The following BAG3 variants were observed in gnomAD, a reference collection of about 807,000 sequenced individuals.
BAG3 encodes BAG family molecular chaperone regulator 3.
BAG3 carries 14 observed loss-of-function variants against 40.5 expected under a neutral mutation model. The observed-to-expected ratio is 0.35, with a 90% CI of 0.23 to 0.54. BAG3 has a LOEUF of 0.54. Ranked by LOEUF, BAG3 falls within the 20% of genes least tolerant of loss-of-function variation. The pLI is 0.91. For synonymous variants in BAG3, 302 were observed against 307.8 expected, an observed-to-expected ratio of 0.98 and a Z score of 0.20; for missense variants, 788 against 758.6, an observed-to-expected ratio of 1.04 and a Z score of -0.46.
chr10:119,674,453 C>G lies in BAG3; in HGVS notation c.909+1797C>G, dbSNP rs562426341. 9.1e-4 allele frequency among the ~76,000 whole-genome samples: 139 copies of G among 152,288 alleles called. 1 individual carries two copies. The highest frequency in any genetic ancestry group is 3.3e-3 in the African/African-American group (139 of 41,572). On this transcript the variant is annotated intron_variant, in intron 3 of 3. Transcript: ENST00000369085. The stretch of plus-strand genomic sequence containing the variant: ...GAAATGATATTTCATCCTGTTCTTA[C>G]CATTAACCGTGTTTGTGGTGACCTC...
intron 3 of BAG3, among the ~76,000 whole-genome samples, chr10:119,675,900 C>A (rs1369503329): frequency 4.4e-5 from 1 of 22,752 alleles, no homozygotes; most frequent in Non-Finnish European, 9.8e-5. Flanking sequence ...TTCCTTCCTT[C>A]CCCCCTTCCT....
intron 1 of BAG3, 30 bp downstream of exon 1, chr10:119,651,885 G>A: frequency 8.7e-6 from 13 of 1,495,994 alleles, no homozygotes; most frequent in Non-Finnish European, 1.2e-5. Flanking sequence ...CGCCCTGGTC[G>A]GTGGCGCCAC....
chr10:119,670,703 TA>T (rs2134063984), intron 2 of BAG3, among the ~76,000 whole-genome samples: 1 of 152,224 alleles, frequency 6.6e-6, no homozygotes, highest in East Asian at 1.9e-4. Flanking sequence ...TCAAAAGAAA[TA>T]AGGAGTCAGG....
intron 1 of BAG3, among the ~76,000 whole-genome samples, chr10:119,668,164 A>C (rs886775796): frequency 6.6e-6 from 1 of 152,222 alleles, no homozygotes; most frequent in Non-Finnish European, 1.5e-5. Context: ...AGTGACACCC[A>C]TGCCTTTCCT....
Position 119,677,012 on chromosome 10 carries a change from G to A in BAG3, c.1458G>A (p.Lys486=), listed in dbSNP as rs1241465677. The A allele has an allele frequency of 6.2e-7, 1 of 1,614,056 alleles. No individual in the cohort carries two copies. The highest frequency in any genetic ancestry group is 1.3e-5 in the African/African-American group (1 of 74,910). The change falls in exon 4 of 4, where the codon AAG becomes AAA. Residue 486 remains lysine, a synonymous_variant. Transcript: ENST00000369085. ...AGGCCAGGAGAGACGGTGTCAGGAAGGTTCAGACCATCTTGGAAAAACTTG... is the reference window on the plus strand; with the variant it reads ...AGGCCAGGAGAGACGGTGTCAGGAAAGTTCAGACCATCTTGGAAAAACTTG... ...VRQARRDGVR[K]VQTILEKLEQ...
Position 119,651,568 on chromosome 10 carries a change from G to A in BAG3, c.-108G>A. On this transcript the variant is annotated 5_prime_UTR_variant, in exon 1 of 4. Coordinates refer to ENST00000369085, the MANE Select transcript of BAG3 (RefSeq NM_004281.4). ...TAAAGGTGCCCGGCGCCGGCTTCCC[G>A]GACACGTCGGCGGCGGAGAGGGGCC... 4 of 1,109,978 alleles carry A rather than the reference G, an allele frequency of 3.6e-6. No homozygotes were observed. The highest frequency in any genetic ancestry group is 3.5e-6 in the Non-Finnish European group (3 of 847,772). The allele number at this position is 1,109,978 out of a possible 1,614,324, so 68.8% of individuals were successfully genotyped here. A position where few individuals can be genotyped will look rare whatever the true frequency, so the allele number is the denominator to read the frequency against.
At position 119,676,977 on chromosome 10, in the gene BAG3, G is replaced by A. The variant is rs138832242; in HGVS notation, c.1423G>A (p.Asp475Asn). Residue 475 changes from aspartate to asparagine, a missense_variant, in exon 4 of 4, where the codon GAT becomes AAT. Physicochemically the swap from Asp to Asn is conservative, Grantham distance 23 (BLOSUM62 1). Transcript: ENST00000369085. ...LDSVDPEGRA[D>N]VRQARRDGVR... is the part of the protein sequence containing the mutation. ...TTCAGTGGACCCCGAGGGACGAGCC[G>A]ATGTGCGTCAGGCCAGGAGAGACGG... 2.8e-5 allele frequency: 45 copies of A among 1,614,202 alleles called. 1 individual carries two copies. The Middle Eastern group carries it at 1.3e-3, about 47-fold the overall frequency.
chr10:119,671,126 G>A (rs1196691075), intron 2 of BAG3, among the ~76,000 whole-genome samples: 1 of 152,054 alleles, frequency 6.6e-6, no homozygotes, highest in Non-Finnish European at 1.5e-5. Flanking sequence ...TGGCTAACAC[G>A]GTGAAACCCC....
At chr10:119,652,964 G>T (rs1846864390) in intron 1 of BAG3, among the ~76,000 whole-genome samples, 1 of 152,226 alleles carries the variant, frequency 6.6e-6, no homozygotes, top group African/African-American at 2.4e-5. Flanking sequence ...ACTTAAAGCT[G>T]AATTGTTAAC....
chr10:119,656,069 TA>T (rs1846905299), intron 1 of BAG3, among the ~76,000 whole-genome samples: 1 of 152,180 alleles, frequency 6.6e-6, no homozygotes, highest in Non-Finnish European at 1.5e-5. Context: ...TATTGACATT[TA>T]AAAATGATGT....
At chr10:119,669,164 C>T (rs945011357) in intron 1 of BAG3, among the ~76,000 whole-genome samples, 3 of 152,250 alleles carry the variant, frequency 2.0e-5, no homozygotes, top group African/African-American at 7.2e-5. Context: ...CACAGATGGG[C>T]CTAGGAGATG....
At chr10:119,666,698 A>G (rs765347534) in intron 1 of BAG3, among the ~76,000 whole-genome samples, 3 of 72,044 alleles carry the variant, frequency 4.2e-5, no homozygotes, top group Non-Finnish European at 6.3e-5. Context: ...CTGTCTGAGG[A>G]CTCCAAGCCC....
intron 3 of BAG3, among the ~76,000 whole-genome samples, chr10:119,673,278 G>T (rs182501434): frequency 6.6e-6 from 1 of 152,114 alleles, no homozygotes; most frequent in Non-Finnish European, 1.5e-5. Context: ...GTCATTATTC[G>T]GGGCATTTCA....
chr10:119,675,797 T>TC (rs1491330594), intron 3 of BAG3, among the ~76,000 whole-genome samples: 2 of 17,664 alleles, frequency 1.1e-4, no homozygotes, highest in Non-Finnish European at 2.6e-4. Context: ...CTTCCCCCCT[T>TC]CCCCTTCCCC....
intron 1 of BAG3, among the ~76,000 whole-genome samples, chr10:119,656,877 T>C (rs1438051089): frequency 1.3e-5 from 2 of 152,130 alleles, no homozygotes; most frequent in African/African-American, 4.8e-5. Flanking sequence ...CTAGAAACTA[T>C]GAAGTGTCTT....
In BAG3 at chr10:119,676,964, C is replaced by T. The variant is rs749034517; in HGVS notation, c.1410C>T (p.Pro470=). The T allele has an allele frequency of 8.1e-6, 13 of 1,613,988 alleles. No individual in the cohort carries two copies. Among genetic ancestry groups the T allele is most frequent in the South Asian group, 1.1e-5 (1 of 91,064 alleles). Residue 470 remains proline, a synonymous_variant, in exon 4 of 4, where the codon CCC becomes CCT. Transcript: ENST00000369085. ...TGCTGGCCCTGGATTCAGTGGACCC[C>T]GAGGGACGAGCCGATGTGCGTCAGG... ...KELLALDSVD[P]EGRADVRQAR... is the part of the protein sequence containing the mutation.
intron 1 of BAG3, among the ~76,000 whole-genome samples, chr10:119,653,592 A>G (rs1339566607): frequency 6.6e-6 from 1 of 152,244 alleles, no homozygotes; most frequent in East Asian, 1.9e-4. Context: ...AGGTTTAGTT[A>G]CCATTATTCT....
rs536917299 is a variant in BAG3, at chr10:119,656,254, C to T, written c.180+4399C>T. On this transcript the variant is annotated intron_variant, in intron 1 of 3. Coordinates refer to ENST00000369085, the MANE Select transcript of BAG3 (RefSeq NM_004281.4). ...TGAGACCCTCTGGCACTGGCGAACA[C>T]GAGTGAACCCTGTGTCACACTTGAC... Among the ~76,000 whole-genome samples the T allele has an allele frequency of 3.5e-4, 53 of 152,270 alleles. No individual in the cohort carries two copies. The South Asian group carries it at 0.011, about 30-fold the overall frequency.
rs1847172918 is a variant in BAG3, at chr10:119,672,884, A to G, written c.909+228A>G. ...GCTTTTGCTGGGCTGATCATTGTGC[A>G]TTGCGGCTGACTTAGAGCAGACGAA... On this transcript the variant is annotated intron_variant, in intron 3 of 3. Transcript: ENST00000369085. This position sits in a 1 kb window ranked among gnomAD's most constrained non-coding sequence, Gnocchi z 4.8. 6.6e-6 allele frequency among the ~76,000 whole-genome samples: 1 copy of G among 152,158 alleles called. No individual in the cohort carries two copies. Among genetic ancestry groups the G allele is most frequent in the Non-Finnish European group, 1.5e-5 (1 of 68,024 alleles).
Sources: allele counts gnomAD v4.1 joint callset (sites outside exome capture counted in the v4.1 genomes callset), GRCh38; gene constraint gnomAD v4.1.1; non-coding constraint Gnocchi (gnomAD v3.1); transcripts MANE v1.5; gene names NCBI Gene and HGNC (gene_info 2026-07-23, HGNC 2026-07-21).